Variants in TAP2 observed in about 807,000 individuals in gnomAD.
TAP2 encodes the protein antigen peptide transporter 2.
Under a neutral mutation model 74.7 loss-of-function variants are expected in TAP2, and 49 were observed. That is an observed-to-expected ratio of 0.66 (90% CI 0.52 to 0.83). The LOEUF (loss-of-function observed/expected upper bound fraction) is 0.83, where lower values mean the gene tolerates loss of function less well. TAP2 is among the 40% of genes least tolerant of loss of function. TAP2 has a pLI of 0.00. For synonymous variants in TAP2, 306 were observed against 368.4 expected, an observed-to-expected ratio of 0.83 and a Z score of 1.94; for missense variants, 739 against 859.0, an observed-to-expected ratio of 0.86 and a Z score of 1.75.
chr6:32,827,163 C>T lies in TAP2; in HGVS notation c.*1743G>A. 3.0e-6 allele frequency: 3 copies of T among 985,596 alleles called. No individual in the cohort carries two copies. The highest frequency in any genetic ancestry group is 3.6e-6 in the Non-Finnish European group (3 of 829,936). The allele number at this position is 985,596 out of a possible 1,614,324, so 61.1% of individuals were successfully genotyped here. A position where few individuals can be genotyped will look rare whatever the true frequency, so the allele number is the denominator to read the frequency against. ...AGTTCTGGGGAATTCATTGCCAGCA[C>T]TGGAAACTACCTGCTGTTTCCAGGA... On this transcript the variant is annotated 3_prime_UTR_variant, in exon 12 of 12. Coordinates refer to ENST00000374897, the MANE Select transcript of TAP2 (RefSeq NM_001290043.2).
At position 32,837,726 on chromosome 6, in the gene TAP2, C is replaced by T. The variant is rs1769510847; in HGVS notation, c.493+15G>A. On this transcript the variant is annotated intron_variant, in intron 2 of 11. Coordinates refer to ENST00000374897, the MANE Select transcript of TAP2 (RefSeq NM_001290043.2). ...TTTTACCACCTCCAACTCACAACGT[C>T]CTCTCCTGACTCACCCAAAACAGCA... 6.2e-7 allele frequency: 1 copy of T among 1,614,202 alleles called. No individual in the cohort carries two copies. The highest frequency in any genetic ancestry group is 8.5e-7 in the Non-Finnish European group (1 of 1,180,044).
chr6:32,829,062 A>C (rs1057497143), intron 11 of TAP2, 28 bp from the exon 12 acceptor site: 1 of 1,535,148 alleles, frequency 6.5e-7, no homozygotes, highest in African/African-American at 1.4e-5. Flanking sequence ...GTGCCTCAGA[A>C]AGACAGGAAT....
Position 32,826,869 on chromosome 6 carries a change from C to T in TAP2, c.*2037G>A. On this transcript the variant is annotated 3_prime_UTR_variant, in exon 12 of 12. Transcript: ENST00000374897. ...TCATCTTCTTCTGTGAGGGCTGCAG[C>T]TTCCATGTAGTTGGGAGATACAGGA... 1.0e-6 allele frequency: 1 copy of T among 985,440 alleles called. No homozygotes were observed. The allele number at this position is 985,440 out of a possible 1,614,324, so 61.0% of individuals were successfully genotyped here.
rs750440758 is a variant in TAP2, at chr6:32,832,652, C to T, written c.1118G>A (p.Arg373His). 3.0e-5 allele frequency: 48 copies of T among 1,612,966 alleles called. No individual in the cohort carries two copies. The highest frequency in any genetic ancestry group is 4.0e-5 in the African/African-American group (3 of 74,906). The change falls in exon 6 of 12, where the codon CGC becomes CAC. Residue 373 changes from arginine (R) to histidine (H), a missense_variant. Physicochemically the swap from Arg to His is conservative, Grantham distance 29 (BLOSUM62 0). Coordinates refer to ENST00000374897, the MANE Select transcript of TAP2 (RefSeq NM_001290043.2). The surrounding 1 kb of genome is among the most constrained non-coding windows in gnomAD (Gnocchi z 5.9). ...RQLYWRRDLE[R>H]ALYLLVRRVL... ...CCTCCTTACGAGCAGGTACAAGGCG[C>T]GTTCCAGGTCTCTCCGCCAATACAG... is the stretch of plus-strand genomic sequence containing the variant.
Position 32,828,316 on chromosome 6 carries a change from C to T in TAP2, c.*590G>A, listed in dbSNP as rs563217531. 10 of 985,400 alleles carry T rather than the reference C, an allele frequency of 1.0e-5. No individual in the cohort carries two copies. The South Asian group carries it at 4.7e-4, about 46-fold the overall frequency. 61.0% of individuals were successfully genotyped at this position (985,400 alleles called of 1,614,324 possible). A position where few individuals can be genotyped will look rare whatever the true frequency, so the allele number is the denominator to read the frequency against. ...TGTTAATCAGGGAACTGTTCTCTGT[C>T]CCTCCAGACCCTAGCTTCTTCAAAA... On this transcript the variant is annotated 3_prime_UTR_variant, in exon 12 of 12. Coordinates refer to ENST00000374897, the MANE Select transcript of TAP2 (RefSeq NM_001290043.2).
In TAP2 at chr6:32,826,404, C is replaced by A. The variant is rs143496175; in HGVS notation, c.*2502G>T. ...TGGGAAAGATACTGCAGGTAAGCGA[C>A]AAGAAGGGGAAATTACAGGGTAAGG... On this transcript the variant is annotated 3_prime_UTR_variant, in exon 12 of 12. Coordinates refer to ENST00000374897, the MANE Select transcript of TAP2 (RefSeq NM_001290043.2). 429 of 985,262 alleles carry A rather than the reference C, an allele frequency of 4.4e-4. 10 individuals carry two copies. In the South Asian group the frequency reaches 8.6e-3, roughly 20 times the overall value. 61.0% of individuals were successfully genotyped at this position (985,262 alleles called of 1,614,324 possible).
At chr6:32,823,128 C>A (rs1768410237), downstream of TAP2, among the ~76,000 whole-genome samples, 1 of 152,076 alleles carries the variant, frequency 6.6e-6, no homozygotes. Context: ...CCATGTTGGC[C>A]AGGCTGCCCT....
chr6:32,825,133 CATAT>C (rs28986262), downstream of TAP2, among the ~76,000 whole-genome samples: 1 of 130,518 alleles, frequency 7.7e-6, no homozygotes, highest in African/African-American at 3.4e-5. Flanking sequence ...TGGTTATATA[CATAT>C]ATATATATAT....
Position 32,838,158 on chromosome 6 carries a change from G to T in TAP2, c.76C>A (p.Pro26Thr), listed in dbSNP as rs762904431. 1 of 1,602,444 alleles carries T rather than the reference G, an allele frequency of 6.2e-7. No individual in the cohort carries two copies. The highest frequency in any genetic ancestry group is 8.5e-7 in the Non-Finnish European group (1 of 1,173,748). ...CCTTGAGGAAGCAAAGTCCCCAGAG[G>T]GCCCTGAAGCAGCCACAGTAAAGCC... is the stretch of plus-strand genomic sequence containing the variant. ...DAALLWLLQG[P>T]LGTLLPQGLP... Residue 26 changes from proline (P) to threonine (T), a missense_variant, in exon 2 of 12, where the codon CCT (proline) becomes ACT (threonine). Coordinates refer to ENST00000374897, the MANE Select transcript of TAP2 (RefSeq NM_001290043.2).
Position 32,835,369 on chromosome 6 carries a change from A to G in TAP2, c.740-10T>C. 1 of 1,613,038 alleles carries G rather than the reference A, an allele frequency of 6.2e-7. No individual in the cohort carries two copies. The highest frequency in any genetic ancestry group is 8.5e-7 in the Non-Finnish European group (1 of 1,180,006). On this transcript the variant is annotated splice_polypyrimidine_tract_variant and intron_variant, in intron 4 of 11. Coordinates refer to ENST00000374897, the MANE Select transcript of TAP2 (RefSeq NM_001290043.2). The surrounding 1 kb of genome is among the most constrained non-coding windows in gnomAD (Gnocchi z 4.0). ...CGTGAGTTCAGCTCCCCTAAGAAGG[A>G]CAGAGCAGGTGAGGAAAAAGGAAAC...
At chr6:32,830,230 C>T (rs1417053420) in intron 9 of TAP2, 37 bp downstream of exon 9, 1 of 1,612,908 alleles carries the variant, frequency 6.2e-7, no homozygotes, top group South Asian at 1.1e-5. Context: ...GTACATGCTC[C>T]CCTCTCCTGT....
In TAP2 at chr6:32,832,352, C is replaced by T; in HGVS notation, c.1253G>A (p.Ser418Asn). 5 of 1,613,040 alleles carry T rather than the reference C, an allele frequency of 3.1e-6. No homozygotes were observed. Among genetic ancestry groups the T allele is most frequent in the Non-Finnish European group, 4.2e-6 (5 of 1,180,042 alleles). The change falls in exon 7 of 12, where the codon AGC becomes AAC. Residue 418 changes from serine (S) to asparagine (N), a missense_variant. Coordinates refer to ENST00000374897, the MANE Select transcript of TAP2 (RefSeq NM_001290043.2). The surrounding 1 kb of genome is among the most constrained non-coding windows in gnomAD (Gnocchi z 5.9). ...SLLSFMIYQE[S>N]VGSYVQTLVY... ...GCTCACCTGCACATAGCTCCCCACG[C>T]TCTCCTGGTAGATCATAAAGGAAAG... is the stretch of plus-strand genomic sequence containing the variant.
At chr6:32,834,310 G>A (rs1190477560) in intron 5 of TAP2, among the ~76,000 whole-genome samples, 1 of 152,204 alleles carries the variant, frequency 6.6e-6, no homozygotes, top group East Asian at 1.9e-4. Flanking sequence ...AGCCTTAAAA[G>A]GGAGGAAATT....
rs1769351889 is a variant in TAP2 at position 32,835,394 on chromosome 6, C to T, written c.740-35G>A. ...ACAGAGCAGGTGAGGAAAAAGGAAA[C>T]CATGTGTACTGCAGGGCCCCCAGAA... is the stretch of plus-strand genomic sequence containing the variant. On this transcript the variant is annotated intron_variant, in intron 4 of 11. Transcript: ENST00000374897. The surrounding 1 kb of genome is among the most constrained non-coding windows in gnomAD (Gnocchi z 4.0). 2 of 1,609,500 alleles carry T rather than the reference C, an allele frequency of 1.2e-6. No homozygotes were observed. The highest frequency in any genetic ancestry group is 1.7e-5 in the Admixed American group (1 of 59,966).
chr6:32,822,191 G>T, downstream of TAP2: 2 of 1,003,914 alleles, frequency 2.0e-6, no homozygotes, highest in East Asian at 2.5e-5. Context: ...TGATGGTTTT[G>T]TCCATCACCT....
Position 32,827,722 on chromosome 6 carries a change from G to A in TAP2, c.*1184C>T. Reference sequence around the variant, plus strand: ...TACAACAGGAGAGGGTGAGACAGATGGGCTGGAACAGTGTGTGCTCTGAAA... The same window carrying A: ...TACAACAGGAGAGGGTGAGACAGATAGGCTGGAACAGTGTGTGCTCTGAAA... On this transcript the variant is annotated 3_prime_UTR_variant, in exon 12 of 12. Transcript: ENST00000374897. 2 of 919,540 alleles carry A rather than the reference G, an allele frequency of 2.2e-6. No homozygotes were observed. The highest frequency in any genetic ancestry group is 3.6e-5 in the African/African-American group (2 of 55,836). 57.0% of individuals were successfully genotyped at this position (919,540 alleles called of 1,614,324 possible).
Position 32,827,311 on chromosome 6 carries a change from C to T in TAP2, c.*1595G>A, listed in dbSNP as rs895332291. On this transcript the variant is annotated 3_prime_UTR_variant, in exon 12 of 12. Transcript: ENST00000374897. The stretch of plus-strand genomic sequence containing the variant: ...TGGGCAGGGAGGATTAAGATTAGTA[C>T]GATGGTGGAGATATTTATTCATTTA... The T allele has an allele frequency of 6.1e-6, 6 of 985,238 alleles. No homozygotes were observed. The highest frequency in any genetic ancestry group is 7.2e-6 in the Non-Finnish European group (6 of 829,910). The allele number at this position is 985,238 out of a possible 1,614,324, so 61.0% of individuals were successfully genotyped here. A position where few individuals can be genotyped will look rare whatever the true frequency, so the allele number is the denominator to read the frequency against.
At chr6:32,824,041 G>T (rs145954356), downstream of TAP2, among the ~76,000 whole-genome samples, 153 of 152,132 alleles carry the variant, frequency 1.0e-3, 1 homozygote, top group African/African-American at 3.5e-3. Context: ...TAGTTTTAAA[G>T]AATATATTTT....
In TAP2 at chr6:32,835,493, G is replaced by A; in HGVS notation, c.740-134C>T. 7.0e-7 allele frequency: 1 copy of A among 1,428,856 alleles called. No homozygotes were observed. Among genetic ancestry groups the A allele is most frequent in the Non-Finnish European group, 9.7e-7 (1 of 1,028,844 alleles). The allele number at this position is 1,428,856 out of a possible 1,614,324, so 88.5% of individuals were successfully genotyped here. ...CTCCTTCACTTGCAGAGGGACAGTG[G>A]AGGCTGCTTCTCCACCCTGTCCCAA... On this transcript the variant is annotated intron_variant, in intron 4 of 11. Coordinates refer to ENST00000374897, the MANE Select transcript of TAP2 (RefSeq NM_001290043.2). The surrounding 1 kb of genome is among the most constrained non-coding windows in gnomAD (Gnocchi z 4.0).
Sources: allele counts gnomAD v4.1 joint callset (sites outside exome capture counted in the v4.1 genomes callset), GRCh38; gene constraint gnomAD v4.1.1; non-coding constraint Gnocchi (gnomAD v3.1); transcripts MANE v1.5; gene names NCBI Gene and HGNC (gene_info 2026-07-23, HGNC 2026-07-21).